The following EPB41L4A variants were observed in gnomAD, a reference collection of about 807,000 sequenced individuals.
EPB41L4A encodes band 4.1-like protein 4A.
A neutral mutation model predicts 108.6 loss-of-function variants in EPB41L4A; 100 were observed. The ratio of observed to expected loss-of-function variants is 0.92; its 90% CI spans 0.78 to 1.09. The LOEUF (loss-of-function observed/expected upper bound fraction) is 1.09. EPB41L4A is among the 50% of genes least tolerant of loss of function. The probability of loss-of-function intolerance (pLI) is 0.00; values close to 1 mark genes in which losing one functional copy is unlikely to be tolerated. For synonymous variants in EPB41L4A, 319 were observed against 289.0 expected, an observed-to-expected ratio of 1.10 and a Z score of -1.05; for missense variants, 1,030 against 842.7, an observed-to-expected ratio of 1.22 and a Z score of -2.75.
chr5:112,286,921 G>C (rs1201057014), intron 2 of EPB41L4A, among the ~76,000 whole-genome samples: 3 of 151,092 alleles, frequency 2.0e-5, no homozygotes, highest in African/African-American at 7.3e-5. Flanking sequence ...TCCCATTTTA[G>C]TATTTACTGC....
chr5:112,308,860 G>C (rs1345189088), intron 1 of EPB41L4A, among the ~76,000 whole-genome samples: 1 of 152,142 alleles, frequency 6.6e-6, no homozygotes, highest in East Asian at 1.9e-4. Flanking sequence ...CCAACATTTG[G>C]ATTGCAAAAC....
chr5:112,294,721 C>CA lies in EPB41L4A; in HGVS notation c.204+12664dup, dbSNP rs1156932862. 1.0e-3 allele frequency among the ~76,000 whole-genome samples: 157 copies of CA among 151,884 alleles called. 1 individual carries two copies. The highest frequency in any genetic ancestry group is 7.4e-4 in the Non-Finnish European group (50 of 67,960). On this transcript the variant is annotated intron_variant, in intron 2 of 22. Coordinates refer to ENST00000261486, the MANE Select transcript of EPB41L4A (RefSeq NM_022140.5). ...ACACTATGGTACAGCTAAGGAGCTG[C>CA]AGGTAGTTCAGTGGAGCTACGGCGT...
At chr5:112,365,665 A>G (rs1483228516) in intron 1 of EPB41L4A, among the ~76,000 whole-genome samples, 1 of 152,238 alleles carries the variant, frequency 6.6e-6, no homozygotes, top group African/African-American at 2.4e-5. Context: ...CATTTTATTC[A>G]GATTTCACTA....
intron 12 of EPB41L4A, among the ~76,000 whole-genome samples, chr5:112,155,556 C>T (rs148336127): frequency 3.9e-5 from 6 of 152,220 alleles, no homozygotes; most frequent in East Asian, 3.9e-4. Context: ...TTCTCTGACA[C>T]ATTTCTAGAG....
chr5:112,247,718 T>A (rs1040412624), intron 9 of EPB41L4A, among the ~76,000 whole-genome samples: 2 of 152,198 alleles, frequency 1.3e-5, no homozygotes, highest in Non-Finnish European at 2.9e-5. Flanking sequence ...TGAGTCAGGT[T>A]TACCATGAGT....
intron 12 of EPB41L4A, among the ~76,000 whole-genome samples, chr5:112,226,537 T>C (rs1362144312): frequency 1.3e-5 from 2 of 152,240 alleles, no homozygotes; most frequent in Non-Finnish European, 2.9e-5. Flanking sequence ...AATGATTAAC[T>C]GTGTGAACTT....
intron 9 of EPB41L4A, among the ~76,000 whole-genome samples, chr5:112,251,494 A>G (rs931479700): frequency 2.6e-5 from 4 of 152,198 alleles, no homozygotes; most frequent in African/African-American, 9.6e-5. Context: ...TTTCTAGGAG[A>G]TATTACTAAG....
intron 13 of EPB41L4A, among the ~76,000 whole-genome samples, chr5:112,208,448 C>G (rs998546573): frequency 1.3e-5 from 2 of 152,096 alleles, no homozygotes; most frequent in African/African-American, 2.4e-5. Context: ...CAACTGGAGG[C>G]TATTATCCTA....
intron 18 of EPB41L4A, among the ~76,000 whole-genome samples, chr5:112,177,153 A>G (rs1164803959): frequency 6.6e-6 from 1 of 152,134 alleles, no homozygotes; most frequent in Non-Finnish European, 1.5e-5. Flanking sequence ...GAAATCTGAC[A>G]CAGGTCCTAC....
At chr5:112,397,386 A>G (rs1458177016) in intron 1 of EPB41L4A, among the ~76,000 whole-genome samples, 1 of 152,200 alleles carries the variant, frequency 6.6e-6, no homozygotes, top group Non-Finnish European at 1.5e-5. Context: ...TTATACATGT[A>G]TTACGTCTTA....
intron 17 of EPB41L4A, among the ~76,000 whole-genome samples, chr5:112,188,935 T>C (rs1182585808): frequency 6.6e-6 from 1 of 152,220 alleles, no homozygotes; most frequent in African/African-American, 2.4e-5. Context: ...TAGTCAGATA[T>C]ATTGTCCCTC....
intron 1 of EPB41L4A, among the ~76,000 whole-genome samples, chr5:112,361,078 AG>A (rs201335828): frequency 0.011 from 1,621 of 152,272 alleles, 40 homozygotes; most frequent in South Asian, 0.049. Context: ...TCAAATAGAA[AG>A]GGGGGAAGTG....
rs563666360 is a variant in EPB41L4A, at chr5:112,177,699, A to G, written c.1622+6317T>C. 5.3e-5 allele frequency among the ~76,000 whole-genome samples: 8 copies of G among 151,428 alleles called. No homozygotes were observed. In the East Asian group the frequency reaches 7.7e-4, roughly 15 times the overall value. ...AATAGCACAAAGCACAAGTGGAGCTATATTTTTCCAATGTTTCTAAATTTT... is the reference window on the plus strand; with the variant it reads ...AATAGCACAAAGCACAAGTGGAGCTGTATTTTTCCAATGTTTCTAAATTTT... On this transcript the variant is annotated intron_variant, in intron 18 of 22. Transcript: ENST00000261486.
intron 12 of EPB41L4A, among the ~76,000 whole-genome samples, chr5:112,213,105 G>C (rs1030167797): frequency 6.6e-6 from 1 of 151,944 alleles, no homozygotes; most frequent in African/African-American, 2.4e-5. Context: ...TTTTCCAAAA[G>C]AATTTCAGGA....
At chr5:112,326,763 C>G (rs1258725436) in intron 1 of EPB41L4A, among the ~76,000 whole-genome samples, 1 of 152,192 alleles carries the variant, frequency 6.6e-6, no homozygotes, top group Non-Finnish European at 1.5e-5. Flanking sequence ...CTGCTTGTCT[C>G]TACTTTTAAG....
chr5:112,190,150 T>C (rs893397121), intron 17 of EPB41L4A, among the ~76,000 whole-genome samples: 19 of 152,184 alleles, frequency 1.2e-4, no homozygotes, highest in African/African-American at 4.6e-4. Flanking sequence ...AAGAATTCAA[T>C]AGAATCAACT....
chr5:112,213,506 G>A (rs1018326243), intron 12 of EPB41L4A, among the ~76,000 whole-genome samples: 7 of 151,842 alleles, frequency 4.6e-5, no homozygotes, highest in African/African-American at 1.5e-4. Context: ...GCACCACCAC[G>A]CCCGGCTAAT....
chr5:112,391,439 A>G (rs1760931928), intron 1 of EPB41L4A, among the ~76,000 whole-genome samples: 1 of 152,254 alleles, frequency 6.6e-6, no homozygotes, highest in Non-Finnish European at 1.5e-5. Context: ...CGCATGTACA[A>G]GCTTCAGTAG....
intron 1 of EPB41L4A, among the ~76,000 whole-genome samples, chr5:112,364,232 G>C (rs1446540196): frequency 6.6e-6 from 1 of 152,070 alleles, no homozygotes; most frequent in African/African-American, 2.4e-5. Context: ...CACCATGTTG[G>C]CCAGGCTGGT....
Sources: allele counts gnomAD v4.1 joint callset (sites outside exome capture counted in the v4.1 genomes callset), GRCh38; gene constraint gnomAD v4.1.1; transcripts MANE v1.5; gene names NCBI Gene and HGNC (gene_info 2026-07-23, HGNC 2026-07-21).